The following TET1 variants were observed in gnomAD, a reference collection of about 807,000 sequenced individuals.
TET1 encodes the protein tet methylcytosine dioxygenase 1, also known as methylcytosine dioxygenase TET1.
TET1 carries 13 observed loss-of-function variants against 148.7 expected under a neutral mutation model. That is an observed-to-expected ratio of 0.09 (90% CI 0.06 to 0.14). TET1 has a LOEUF of 0.14. TET1 is among the 10% of genes least tolerant of loss of function. The pLI is 1.00. For synonymous variants in TET1, 907 were observed against 937.2 expected (o/e 0.97, Z 0.59); for missense variants, 2,182 against 2,553.8 (o/e 0.85, Z 3.14).
At chr10:68,561,152 C>T (rs534968998) in intron 1 of TET1, among the ~76,000 whole-genome samples, 373 of 151,996 alleles carry the variant, frequency 2.5e-3, no homozygotes, top group African/African-American at 8.6e-3. Flanking sequence ...AGTTGGAGGT[C>T]GGGGCGCCTC....
chr10:68,617,180 C>G, intron 3 of TET1, among the ~76,000 whole-genome samples: 1 of 149,344 alleles, frequency 6.7e-6, no homozygotes, highest in Non-Finnish European at 1.5e-5. Context: ...TGCCACCACG[C>G]CTGGCTAATT....
chr10:68,569,351 T>G (rs1013451068), intron 1 of TET1, among the ~76,000 whole-genome samples: 4 of 151,862 alleles, frequency 2.6e-5, no homozygotes, highest in Non-Finnish European at 5.9e-5. Context: ...ATTTTTTGTA[T>G]TTTTAGTAGA....
At chr10:68,631,074 G>T (rs1161940300) in intron 3 of TET1, among the ~76,000 whole-genome samples, 1 of 152,192 alleles carries the variant, frequency 6.6e-6, no homozygotes, top group Non-Finnish European at 1.5e-5. Context: ...CTACTTGGGA[G>T]GCTGAGGCAG....
At position 68,572,594 on chromosome 10, in the gene TET1, A is replaced by G. The variant is rs2133685034; in HGVS notation, c.256A>G (p.Arg86Gly). ...RAGAARMNLD[R>G]TEVLFQNPES... ...TGGAGCAGCACGCATGAATTTGGAT[A>G]GGACTGAGGTTCTTTTTCAGAACCC... The change falls in exon 2 of 12, where the codon AGG becomes GGG. Residue 86 changes from arginine to glycine, a missense_variant. Around this residue, in one of 11 missense-constraint regions of TET1, gnomAD observed 665 missense variants for 672.4 expected, o/e 0.99. Coordinates refer to ENST00000373644, the MANE Select transcript of TET1 (RefSeq NM_030625.3). The G allele has an allele frequency of 6.2e-7, 1 of 1,614,168 alleles. No individual in the cohort carries two copies. Among genetic ancestry groups the G allele is most frequent in the Non-Finnish European group, 8.5e-7 (1 of 1,180,022 alleles).
chr10:68,612,071 A>T (rs1305123577), intron 3 of TET1, among the ~76,000 whole-genome samples: 1 of 151,348 alleles, frequency 6.6e-6, no homozygotes, highest in Non-Finnish European at 1.5e-5. Context: ...ACAATGGATG[A>T]GGCATATCTT....
chr10:68,566,598 A>AT (rs1452293651), intron 1 of TET1, among the ~76,000 whole-genome samples: 1 of 151,766 alleles, frequency 6.6e-6, no homozygotes, highest in African/African-American at 2.4e-5. Flanking sequence ...TCAAAATGTT[A>AT]TTTTTTGTGT....
chr10:68,676,241 T>C (rs1332384511), intron 8 of TET1, among the ~76,000 whole-genome samples: 97 of 16,962 alleles, frequency 5.7e-3, no homozygotes, highest in African/African-American at 0.024. Context: ...TATGTGTATA[T>C]ATATATATAT....
chr10:68,672,706 T>A (rs982555436), intron 7 of TET1, among the ~76,000 whole-genome samples, 189 bp from the exon 8 acceptor site: 1 of 152,084 alleles, frequency 6.6e-6, no homozygotes, highest in African/African-American at 2.4e-5. Context: ...CCTAGTCAGA[T>A]TTCTTGAAAA....
intron 3 of TET1, among the ~76,000 whole-genome samples, 174 bp from the exon 4 acceptor site, chr10:68,644,524 G>C (rs1455793902): frequency 2.6e-5 from 4 of 152,008 alleles, no homozygotes; most frequent in Non-Finnish European, 5.9e-5. Flanking sequence ...TTTTCTTTTT[G>C]TATATTATGT....
At chr10:68,667,004 C>A in intron 6 of TET1, 41 bp from the exon 7 acceptor site, 1 of 1,551,666 alleles carries the variant, frequency 6.4e-7, no homozygotes, top group Non-Finnish European at 8.8e-7. Context: ...TCAAATTTGG[C>A]ATACTTGTCT....
chr10:68,616,831 C>G (rs528501448), intron 3 of TET1, among the ~76,000 whole-genome samples: 2 of 150,794 alleles, frequency 1.3e-5, no homozygotes, highest in East Asian at 3.9e-4. Context: ...CCTCAGCCTC[C>G]CGAGCAGCTG....
At chr10:68,588,217 A>G (rs1225754578) in intron 2 of TET1, among the ~76,000 whole-genome samples, 1 of 152,168 alleles carries the variant, frequency 6.6e-6, no homozygotes, top group African/African-American at 2.4e-5. Flanking sequence ...CCCTGGACTC[A>G]AGCAATCTGC....
At chr10:68,661,534 C>T (rs537796259) in intron 6 of TET1, among the ~76,000 whole-genome samples, 1 of 151,922 alleles carries the variant, frequency 6.6e-6, no homozygotes, top group Non-Finnish European at 1.5e-5. Context: ...CTCTGTCACC[C>T]AGGCTAAAAG....
At chr10:68,576,035 T>TTAAA (rs1362050529) in intron 2 of TET1, among the ~76,000 whole-genome samples, 4 of 140,974 alleles carry the variant, frequency 2.8e-5, no homozygotes, top group African/African-American at 5.4e-5. Flanking sequence ...AAAAAAAAAA[T>TTAAA]TAAATAAATA....
chr10:68,645,701 CAAA>C lies in TET1; in HGVS notation c.2973_2975del (p.Lys992del). 6.2e-7 allele frequency: 1 copy of C among 1,614,200 alleles called. No individual in the cohort carries two copies. The highest frequency in any genetic ancestry group is 8.5e-7 in the Non-Finnish European group (1 of 1,180,032). The stretch of plus-strand genomic sequence containing the variant: ...AACTCAGCTACTAACCAAGCATCCA[CAAA>C]GTCACATGAATATTCAAAAGTCACA... On this transcript the variant is annotated inframe_deletion, in exon 4 of 12. Transcript: ENST00000373644.
At chr10:68,571,653 C>T (rs1344865596) in intron 1 of TET1, among the ~76,000 whole-genome samples, 1 of 152,078 alleles carries the variant, frequency 6.6e-6, no homozygotes, top group African/African-American at 2.4e-5. Context: ...CTGCCTTGGC[C>T]TCCCAAAGTG....
chr10:68,633,746 A>C (rs1156459152), intron 3 of TET1, among the ~76,000 whole-genome samples: 2 of 152,062 alleles, frequency 1.3e-5, no homozygotes, highest in Non-Finnish European at 2.9e-5. Flanking sequence ...GTATTTTTTA[A>C]TGCTAATAAG....
chr10:68,676,097 C>T (rs577145693), intron 8 of TET1, among the ~76,000 whole-genome samples: 93 of 150,548 alleles, frequency 6.2e-4, no homozygotes, highest in African/African-American at 2.2e-3. Flanking sequence ...CCCTGTGATC[C>T]ACCCACCTCA....
chr10:68,627,038 C>T (rs138518475), intron 3 of TET1, among the ~76,000 whole-genome samples: 2,141 of 152,184 alleles, frequency 0.014, 50 homozygotes, highest in African/African-American at 0.049. Context: ...TTTGGGAGGC[C>T]GAGGCGGTGG....
Sources: allele counts gnomAD v4.1 joint callset (sites outside exome capture counted in the v4.1 genomes callset), GRCh38; gene constraint gnomAD v4.1.1; regional missense constraint gnomAD v4.1.1; transcripts MANE v1.5; gene names NCBI Gene and HGNC (gene_info 2026-07-23, HGNC 2026-07-21).